The following ATL2 variants were observed in gnomAD, a reference collection of about 807,000 sequenced individuals.
The protein encoded by ATL2 is atlastin-2.
Under a neutral mutation model 73.9 loss-of-function variants are expected in ATL2, and 31 were observed. The observed-to-expected ratio is 0.42, with a 90% CI of 0.32 to 0.57. The LOEUF is 0.57. Ranked by LOEUF, ATL2 falls within the 20% of genes least tolerant of loss-of-function variation. The pLI is 0.14. For synonymous variants in ATL2, 291 were observed against 237.5 expected (o/e 1.23, Z -2.07); for missense variants, 738 against 702.6 (o/e 1.05, Z -0.57).
At position 38,295,970 on chromosome 2, in the gene ATL2, TG is replaced by T; in HGVS notation, c.*23del. The T allele has an allele frequency of 6.7e-7, 1 of 1,494,248 alleles. No homozygotes were observed. The highest frequency in any genetic ancestry group is 1.3e-5 in the South Asian group (1 of 79,548). 92.6% of individuals were successfully genotyped at this position (1,494,248 alleles called of 1,614,324 possible). On this transcript the variant is annotated 3_prime_UTR_variant, in exon 13 of 13. Coordinates refer to ENST00000378954, the MANE Select transcript of ATL2 (RefSeq NM_001135673.4). ...CAGCAAGCATGAAAAAAAAAGAGAGTGGAGTCCGTGAGGAGATGAACTGTCA... is the reference window on the plus strand; with the variant it reads ...CAGCAAGCATGAAAAAAAAAGAGAGTGAGTCCGTGAGGAGATGAACTGTCA...
intron 9 of ATL2, among the ~76,000 whole-genome samples, chr2:38,303,604 T>C (rs1345343507): frequency 2.0e-5 from 3 of 152,010 alleles, no homozygotes; most frequent in Admixed American, 2.0e-4. Context: ...GAATGAAGCA[T>C]GCCTACAAGA....
chr2:38,361,788 T>C (rs1350022334), intron 1 of ATL2, among the ~76,000 whole-genome samples: 1 of 152,216 alleles, frequency 6.6e-6, no homozygotes, highest in African/African-American at 2.4e-5. Flanking sequence ...TTTACTGAAA[T>C]GACTCAATGA....
chr2:38,365,156 CACACACACAA>C (rs1558456616), intron 1 of ATL2, among the ~76,000 whole-genome samples: 1 of 148,566 alleles, frequency 6.7e-6, no homozygotes, highest in Non-Finnish European at 1.5e-5. Context: ...CACACACACA[CACACACACAA>C]ATACACACAC....
In ATL2 at chr2:38,310,463, G is replaced by C. The variant is rs1476553612; in HGVS notation, c.805-16C>G. 6.3e-7 allele frequency: 1 copy of C among 1,577,330 alleles called. No individual in the cohort carries two copies. The highest frequency in any genetic ancestry group is 8.6e-7 in the Non-Finnish European group (1 of 1,165,462). On this transcript the variant is annotated splice_polypyrimidine_tract_variant and intron_variant, in intron 7 of 12. Coordinates refer to ENST00000378954, the MANE Select transcript of ATL2 (RefSeq NM_001135673.4). The stretch of plus-strand genomic sequence containing the variant: ...TTTGTTTTACCTGAGGGCGGAGAGA[G>C]ACAGGTGAAATTGTAAACAGAAGAA...
intron 1 of ATL2, among the ~76,000 whole-genome samples, chr2:38,370,868 TG>T (rs1270784432): frequency 1.4e-5 from 2 of 139,448 alleles, no homozygotes; most frequent in African/African-American, 5.5e-5. Context: ...ATGGCGGGGG[TG>T]GGGGGTGCAC....
intron 1 of ATL2, among the ~76,000 whole-genome samples, chr2:38,345,868 T>C (rs915059760): frequency 6.6e-6 from 1 of 152,180 alleles, no homozygotes; most frequent in Non-Finnish European, 1.5e-5. Flanking sequence ...TGGGTGTGTG[T>C]CAAACAGGCA....
At chr2:38,305,133 T>A (rs183675997) in intron 9 of ATL2, among the ~76,000 whole-genome samples, 4 of 152,174 alleles carry the variant, frequency 2.6e-5, no homozygotes, top group African/African-American at 9.7e-5. Context: ...GGTCATTATA[T>A]AATGATAAAG....
In ATL2 at chr2:38,309,471, G is replaced by T. The variant is rs2148419064; in HGVS notation, c.979C>A (p.Leu327Met). The change falls in exon 9 of 13, where the codon CTG (leucine) becomes ATG (methionine). Residue 327 changes from leucine to methionine, a missense_variant. By Grantham distance (15) the Leu-to-Met change is conservative. Transcript: ENST00000378954. ...DEDFKRELRN[L>M]VPLLLAPENL... ...TCAGGGGCAAGCAGCAATGGAACCAGATTTCGAAGCTCTCGTTTAAAGTCT... is the reference window on the plus strand; with the variant it reads ...TCAGGGGCAAGCAGCAATGGAACCATATTTCGAAGCTCTCGTTTAAAGTCT... 6.2e-7 allele frequency: 1 copy of T among 1,612,694 alleles called. No homozygotes were observed. The highest frequency in any genetic ancestry group is 8.5e-7 in the Non-Finnish European group (1 of 1,179,702).
chr2:38,298,411 G>C lies in ATL2; in HGVS notation c.1365C>G (p.Thr455=). ...CATTGTGCTTTATAAAATTTGCATAGGTTTCTTCAATTTCAGCTTCAAGCT... is the reference window on the plus strand; with the variant it reads ...CATTGTGCTTTATAAAATTTGCATACGTTTCTTCAATTTCAGCTTCAAGCT... ...QDQLEAEIEE[T]YANFIKHNDG... The change falls in exon 12 of 13, where the codon ACC becomes ACG. Residue 455 remains threonine (T), a synonymous_variant. Transcript: ENST00000378954. 1.2e-6 allele frequency: 2 copies of C among 1,614,142 alleles called. No individual in the cohort carries two copies. Among genetic ancestry groups the C allele is most frequent in the Non-Finnish European group, 8.5e-7 (1 of 1,180,016 alleles).
intron 1 of ATL2, among the ~76,000 whole-genome samples, chr2:38,365,131 T>TCA (rs1254291132): frequency 8.3e-6 from 1 of 120,902 alleles, no homozygotes; most frequent in Non-Finnish European, 1.7e-5. Flanking sequence ...AGCAAGGGAA[T>TCA]CATACACACA....
intron 1 of ATL2, chr2:38,376,372 C>T (rs1174486293): frequency 5.9e-6 from 4 of 676,980 alleles, no homozygotes; most frequent in Non-Finnish European, 8.9e-6. Flanking sequence ...ACCAGGGAGC[C>T]AAGGATCAGG....
In ATL2 at chr2:38,339,694, A is replaced by G. The variant is rs1365096691; in HGVS notation, c.363+3574T>C. 2.0e-5 allele frequency among the ~76,000 whole-genome samples: 3 copies of G among 149,910 alleles called. No homozygotes were observed. In the Admixed American group the frequency reaches 2.0e-4, roughly 10 times the overall value. The stretch of plus-strand genomic sequence containing the variant: ...ACAGCAGAATATTTATTTTTATTTT[A>G]TTTATTTATTTTTGAGACAGAGTTT... On this transcript the variant is annotated intron_variant, in intron 2 of 12. Transcript: ENST00000378954.
rs1056158020 is a variant in ATL2 at position 38,304,826 on chromosome 2, C to T, written c.1072-4498G>A. On this transcript the variant is annotated intron_variant, in intron 9 of 12. Coordinates refer to ENST00000378954, the MANE Select transcript of ATL2 (RefSeq NM_001135673.4). ...ATAAAAAGAAATTAAAACATACCAC[C>T]AGAGAAAATCACCTTCACTAAAAGG... is the stretch of plus-strand genomic sequence containing the variant. Among the ~76,000 whole-genome samples, 4 of 151,954 alleles carry T rather than the reference C, an allele frequency of 2.6e-5. No homozygotes were observed. The South Asian group carries it at 8.3e-4, about 32-fold the overall frequency.
chr2:38,319,414 C>T (rs377081118), intron 2 of ATL2, among the ~76,000 whole-genome samples: 1 of 152,004 alleles, frequency 6.6e-6, no homozygotes, highest in African/African-American at 2.4e-5. Context: ...GCCTGGCCAA[C>T]GTGGCAAAAC....
chr2:38,350,596 A>G (rs1670282373), intron 1 of ATL2, among the ~76,000 whole-genome samples: 1 of 152,158 alleles, frequency 6.6e-6, no homozygotes, highest in Non-Finnish European at 1.5e-5. Flanking sequence ...ATAATGTAAA[A>G]CTATAGACTT....
chr2:38,298,250 C>T lies in ATL2; in HGVS notation c.1526G>A (p.Gly509Glu). The part of the protein sequence containing the change: ...SIAVLCNLVM[G>E]LALIFLCTWA... ...AGTACAAAGAAATATCAGTGCTAAC[C>T]CCATGACAAGGTTACACAAGACAGC... is the stretch of plus-strand genomic sequence containing the variant. Residue 509 changes from glycine to glutamate, a missense_variant, in exon 12 of 13, where the codon GGG becomes GAG. Physicochemically the swap from Gly to Glu is moderately conservative, Grantham distance 98. Coordinates refer to ENST00000378954, the MANE Select transcript of ATL2 (RefSeq NM_001135673.4). The T allele has an allele frequency of 6.2e-7, 1 of 1,614,072 alleles. No individual in the cohort carries two copies. Among genetic ancestry groups the T allele is most frequent in the Non-Finnish European group, 8.5e-7 (1 of 1,179,964 alleles).
intron 2 of ATL2, among the ~76,000 whole-genome samples, chr2:38,340,416 G>A (rs1035170199): frequency 2.0e-5 from 3 of 151,992 alleles, no homozygotes; most frequent in African/African-American, 7.3e-5. Flanking sequence ...AAGTGGGGGG[G>A]GCAGGGCATA....
rs534169317 is a variant in ATL2, at chr2:38,329,153, G to A, written c.364-10134C>T. 1.2e-4 allele frequency among the ~76,000 whole-genome samples: 17 copies of A among 146,756 alleles called. No individual in the cohort carries two copies. The South Asian group carries it at 1.3e-3, about 11-fold the overall frequency. On this transcript the variant is annotated intron_variant, in intron 2 of 12. Transcript: ENST00000378954. ...AAAAAAAAAAAAAAAAAGGCCAGGC[G>A]TGGTAGCTCATGCCTGTAATCCCAA...
chr2:38,350,944 A>T (rs572578869), intron 1 of ATL2, among the ~76,000 whole-genome samples: 42 of 152,332 alleles, frequency 2.8e-4, no homozygotes, highest in African/African-American at 1.0e-3. Flanking sequence ...TAAGATAATA[A>T]AAAAGTGCTA....
Sources: gnomAD v4.1 joint callset for allele counts (sites outside exome capture counted in the v4.1 genomes callset) on GRCh38, gnomAD v4.1.1 for gene constraint, MANE v1.5 for transcripts, NCBI Gene and HGNC (gene_info 2026-07-23, HGNC 2026-07-21) for gene names.